Variants in SEC14L1 observed in about 807,000 individuals in gnomAD.
SEC14L1 encodes the protein SEC14 like lipid binding 1.
SEC14L1 carries 48 observed loss-of-function variants against 85.3 expected under a neutral mutation model. The observed-to-expected ratio is 0.56, with a 90% CI of 0.45 to 0.72. The LOEUF (loss-of-function observed/expected upper bound fraction) is 0.72. SEC14L1 is among the 30% of genes least tolerant of loss of function. SEC14L1 has a pLI of 0.00. For missense variants in SEC14L1, 682 were observed against 921.4 expected (o/e 0.74, Z 3.36); for synonymous variants, 391 against 355.5 (o/e 1.10, Z -1.12).
At position 77,107,595 on chromosome 17, in the gene SEC14L1, C is replaced by T. The variant is rs191819647; in HGVS notation, c.-136+14248C>T. Among the ~76,000 whole-genome samples, 13 of 149,932 alleles carry T rather than the reference C, an allele frequency of 8.7e-5. No individual in the cohort carries two copies. In the South Asian group the frequency reaches 1.0e-3, roughly 12 times the overall value. The stretch of plus-strand genomic sequence containing the variant: ...GAAAGAGAAATGAGATACAGGAGTC[C>T]GTAGACCAGGTCAGAAGATCCCCAC... On this transcript the variant is annotated intron_variant, in intron 3 of 19. Coordinates refer to the SEC14L1 transcript ENST00000392476.
chr17:77,216,588 T>G lies in SEC14L1; in HGVS notation c.*2565T>G, dbSNP rs1977112273. Reference sequence around the variant, plus strand: ...GACAGCTGCCAAGAAAATGCTTCACTCAACAGTCCTCATGTGCCCAGAGAT... The same window carrying G: ...GACAGCTGCCAAGAAAATGCTTCACGCAACAGTCCTCATGTGCCCAGAGAT... On this transcript the variant is annotated 3_prime_UTR_variant, in exon 17 of 17. Transcript: ENST00000436233. 1 of 1,613,248 alleles carries G rather than the reference T, an allele frequency of 6.2e-7. No individual in the cohort carries two copies. The highest frequency in any genetic ancestry group is 1.1e-5 in the South Asian group (1 of 91,094).
chr17:77,216,165 A>T lies in SEC14L1; in HGVS notation c.*2142A>T, dbSNP rs1365990637. ...GGTAGGGTTCGTAGGTAGGGTTCGT[A>T]GGTAGGGCTAGTAGGTAGGGTTAGT... On this transcript the variant is annotated 3_prime_UTR_variant, in exon 17 of 17. Transcript: ENST00000436233. 1.3e-6 allele frequency: 1 copy of T among 785,850 alleles called. No homozygotes were observed. Among genetic ancestry groups the T allele is most frequent in the African/African-American group, 2.6e-5 (1 of 38,328 alleles). The allele number at this position is 785,850 out of a possible 1,614,324, so 48.7% of individuals were successfully genotyped here. A position where few individuals can be genotyped will look rare whatever the true frequency, so the allele number is the denominator to read the frequency against.
chr17:77,179,433 A>G (rs1974909480), intron 3 of SEC14L1, among the ~76,000 whole-genome samples: 1 of 152,186 alleles, frequency 6.6e-6, no homozygotes, highest in Admixed American at 6.5e-5. Flanking sequence ...TCATACCTTA[A>G]TGAGAAGGCC....
chr17:77,196,039 A>G (rs547216308), intron 7 of SEC14L1, among the ~76,000 whole-genome samples, 163 bp from the exon 8 acceptor site: 11 of 152,306 alleles, frequency 7.2e-5, no homozygotes, highest in East Asian at 5.8e-4. Context: ...CTCAGAGCCT[A>G]TCCCTCAAGT....
At position 77,104,268 on chromosome 17, in the gene SEC14L1, T is replaced by A. The variant is rs187765876; in HGVS notation, c.-136+10921T>A. Among the ~76,000 whole-genome samples, 1,072 of 150,334 alleles carry A rather than the reference T, an allele frequency of 7.1e-3. 13 individuals carry two copies. Among genetic ancestry groups the A allele is most frequent in the African/African-American group, 0.025 (1,007 of 41,014 alleles). On this transcript the variant is annotated intron_variant, in intron 3 of 19. Transcript: ENST00000392476. ...CCTCCTGAGTAGCTGGGATTACAGG[T>A]GCCTGCCACCACGCCCAGCTAATTT...
chr17:77,139,797 C>A (rs980023031), upstream of SEC14L1, among the ~76,000 whole-genome samples: 4 of 151,954 alleles, frequency 2.6e-5, no homozygotes, highest in African/African-American at 9.7e-5. Context: ...CGCGCCCGGC[C>A]GGTGGATGTG....
At chr17:77,169,007 C>CTTTTTTTTT (rs71160208) in intron 3 of SEC14L1, among the ~76,000 whole-genome samples, 4 of 77,844 alleles carry the variant, frequency 5.1e-5, no homozygotes, top group Admixed American at 1.6e-4. Context: ...TGAGGAGCAT[C>CTTTTTTTTT]TTTTTTTTTT....
rs1019057237 is a variant in SEC14L1, at chr17:77,216,974, T to A, written c.*2951T>A. ...CTTAATTCACTTTCCTTCCTAAATT[T>A]GTTATTTGCATATCAAATTCTGTAA... On this transcript the variant is annotated 3_prime_UTR_variant, in exon 17 of 17. Coordinates refer to ENST00000436233, the MANE Select transcript of SEC14L1 (RefSeq NM_001143998.2). 5.8e-6 allele frequency: 1 copy of A among 170,994 alleles called. No individual in the cohort carries two copies. The highest frequency in any genetic ancestry group is 2.4e-5 in the African/African-American group (1 of 42,050). The allele number at this position is 170,994 out of a possible 1,614,324, so 10.6% of individuals were successfully genotyped here. A position where few individuals can be genotyped will look rare whatever the true frequency, so the allele number is the denominator to read the frequency against.
In SEC14L1 at chr17:77,149,444, G is replaced by A. The variant is rs559241349; in HGVS notation, c.63+5785G>A. On this transcript the variant is annotated intron_variant, in intron 3 of 16. Transcript: ENST00000436233. ...GCGCCTGTCTGTAGTGCAGTTACTTGAGAACTTGGGAGGGTGAGTTGGGAG... is the reference window on the plus strand; with the variant it reads ...GCGCCTGTCTGTAGTGCAGTTACTTAAGAACTTGGGAGGGTGAGTTGGGAG... Among the ~76,000 whole-genome samples the A allele has an allele frequency of 2.6e-5, 4 of 152,306 alleles. No individual in the cohort carries two copies. In the South Asian group the frequency reaches 8.3e-4, roughly 32 times the overall value.
chr17:77,116,577 G>A (rs898435440), intron 3 of SEC14L1, among the ~76,000 whole-genome samples: 4 of 152,118 alleles, frequency 2.6e-5, no homozygotes, highest in Non-Finnish European at 4.4e-5. Context: ...GCCATGTGAC[G>A]GACCTGGTTT....
In SEC14L1 at chr17:77,203,587, G is replaced by A. The variant is rs144852225; in HGVS notation, c.1027G>A (p.Val343Met). ...CTCTGCAGATGGGCGGCCCCTCTAC[G>A]TGCTCAGGCTGGGGCAGATGGACAC... The part of the protein sequence containing the change: ...HHDKDGRPLY[V>M]LRLGQMDTKG... Residue 343 changes from valine (V) to methionine (M), a missense_variant, in exon 10 of 17, where the codon GTG becomes ATG. By Grantham distance (21) the Val-to-Met change is conservative. Coordinates refer to ENST00000436233, the MANE Select transcript of SEC14L1 (RefSeq NM_001143998.2). The A allele has an allele frequency of 9.3e-6, 15 of 1,613,482 alleles. No homozygotes were observed. The highest frequency in any genetic ancestry group is 1.6e-4 in the Middle Eastern group (1 of 6,084).
chr17:77,159,124 G>T (rs4357968), intron 3 of SEC14L1, among the ~76,000 whole-genome samples: 150,959 of 150,976 alleles, frequency 1, 75,471 homozygotes, highest in Middle Eastern at 1. Context: ...TGGAGTGCAG[G>T]GGCACAATTT....
In SEC14L1 at chr17:77,216,384, G is replaced by C; in HGVS notation, c.*2361G>C. ...TAGGTAGGGCTAGTAGGTAGGGCTA[G>C]TAGGTAGGGCTAGTAGGTAGGGTTC... On this transcript the variant is annotated 3_prime_UTR_variant, in exon 17 of 17. Coordinates refer to ENST00000436233, the MANE Select transcript of SEC14L1 (RefSeq NM_001143998.2). 1 of 973,484 alleles carries C rather than the reference G, an allele frequency of 1.0e-6. No individual in the cohort carries two copies. The highest frequency in any genetic ancestry group is 1.4e-6 in the Non-Finnish European group (1 of 723,394). 60.3% of individuals were successfully genotyped at this position (973,484 alleles called of 1,614,324 possible). A position where few individuals can be genotyped will look rare whatever the true frequency, so the allele number is the denominator to read the frequency against.
intron 3 of SEC14L1, among the ~76,000 whole-genome samples, chr17:77,116,367 G>A (rs986490746): frequency 1.3e-5 from 2 of 152,052 alleles, no homozygotes; most frequent in African/African-American, 4.8e-5. Flanking sequence ...AGTAAAACCC[G>A]GAGCCAGAAC....
At chr17:77,182,644 T>C (rs192783332) in intron 3 of SEC14L1, among the ~76,000 whole-genome samples, 1 of 152,204 alleles carries the variant, frequency 6.6e-6, no homozygotes, top group Non-Finnish European at 1.5e-5. Flanking sequence ...CAGCCTTTCT[T>C]GACTGTGTGT....
intron 3 of SEC14L1, among the ~76,000 whole-genome samples, chr17:77,177,667 T>C (rs1974819882): frequency 6.6e-6 from 1 of 152,160 alleles, no homozygotes; most frequent in Non-Finnish European, 1.5e-5. Context: ...TTATATCTAA[T>C]GCTAGATCTG....
Position 77,146,739 on chromosome 17 carries a change from T to A in SEC14L1, c.63+3080T>A, listed in dbSNP as rs116545967. On this transcript the variant is annotated intron_variant, in intron 3 of 16. Coordinates refer to ENST00000436233, the MANE Select transcript of SEC14L1 (RefSeq NM_001143998.2). The stretch of plus-strand genomic sequence containing the variant: ...ACACACAGACGCACACACACGCACG[T>A]ATATTCTTCCACCCTGTAGTATAAA... Among the ~76,000 whole-genome samples, 638 of 152,210 alleles carry A rather than the reference T, an allele frequency of 4.2e-3. 4 individuals carry two copies. Among genetic ancestry groups the A allele is most frequent in the African/African-American group, 0.014 (598 of 41,528 alleles).
Position 77,213,695 on chromosome 17 carries a change from C to T in SEC14L1, c.2042+203C>T, listed in dbSNP as rs774660617. ...AGAGGGAGAGTGTCGGAGACAGAGC[C>T]GACTGACTGCCTTTGCTTTAGCTCA... On this transcript the variant is annotated intron_variant, in intron 16 of 16. Transcript: ENST00000436233. The surrounding 1 kb of genome is among the most constrained non-coding windows in gnomAD (Gnocchi z 7.1). 9 of 851,792 alleles carry T rather than the reference C, an allele frequency of 1.1e-5. No individual in the cohort carries two copies. The highest frequency in any genetic ancestry group is 5.7e-5 in the South Asian group (4 of 69,932). The allele number at this position is 851,792 out of a possible 1,614,324, so 52.8% of individuals were successfully genotyped here.
chr17:77,213,855 T>C lies in SEC14L1; in HGVS notation c.2043-63T>C, dbSNP rs73998669. 3.3e-3 allele frequency: 5,176 copies of C among 1,592,146 alleles called. 156 individuals carry two copies. In the African/African-American group the frequency reaches 0.06, roughly 19 times the overall value. Reference sequence around the variant, plus strand: ...GTGGGCCACGAAGTCCAGCAGGCAGTGTGGGCCGGCGGGTGGTTGGCAGGG... The same window carrying C: ...GTGGGCCACGAAGTCCAGCAGGCAGCGTGGGCCGGCGGGTGGTTGGCAGGG... On this transcript the variant is annotated intron_variant, in intron 16 of 16. Transcript: ENST00000436233. The surrounding 1 kb of genome is among the most constrained non-coding windows in gnomAD (Gnocchi z 7.1).
Sources: allele counts gnomAD v4.1 joint callset (sites outside exome capture counted in the v4.1 genomes callset), GRCh38; gene constraint gnomAD v4.1.1; non-coding constraint Gnocchi (gnomAD v3.1); transcripts MANE v1.5; gene names NCBI Gene and HGNC (gene_info 2026-07-23, HGNC 2026-07-21).